PGM2L1: variants seen among roughly 807,000 people sequenced by gnomAD.
PGM2L1 encodes the protein glucose 1,6-bisphosphate synthase.
A neutral mutation model predicts 73.4 loss-of-function variants in PGM2L1; 35 were observed. That is an observed-to-expected ratio of 0.48 (90% CI 0.36 to 0.63). PGM2L1 has a LOEUF of 0.63. Ranked by LOEUF, PGM2L1 falls within the 30% of genes least tolerant of loss-of-function variation. The pLI, the probability that PGM2L1 is intolerant of heterozygous loss-of-function variation, is 0.00. For missense variants in PGM2L1, 570 were observed against 742.0 expected (o/e 0.77, Z 2.69); for synonymous variants, 225 against 253.8 (o/e 0.89, Z 1.08).
intron 9 of PGM2L1, among the ~76,000 whole-genome samples, 190 bp downstream of exon 9, chr11:74,345,279 A>G (rs541572328): frequency 8.5e-5 from 13 of 152,322 alleles, no homozygotes; most frequent in Middle Eastern, 3.4e-3. Context: ...CCAGAAATTC[A>G]TATACGGTAC....
chr11:74,370,305 C>T (rs1218792743), intron 4 of PGM2L1, among the ~76,000 whole-genome samples: 1 of 152,056 alleles, frequency 6.6e-6, no homozygotes, highest in African/African-American at 2.4e-5. Flanking sequence ...TCTTTATAGC[C>T]CCCACGCTCC....
intron 9 of PGM2L1, among the ~76,000 whole-genome samples, chr11:74,344,715 A>T (rs953296876): frequency 6.6e-6 from 1 of 152,208 alleles, no homozygotes; most frequent in Non-Finnish European, 1.5e-5. Context: ...TATAGACATA[A>T]ACTAGGAAAA....
intron 1 of PGM2L1, among the ~76,000 whole-genome samples, chr11:74,383,965 T>G (rs1862986324): frequency 1.3e-5 from 2 of 151,810 alleles, no homozygotes; most frequent in Admixed American, 1.3e-4. Context: ...ATGATTTATA[T>G]TCCTTTGTAA....
intron 1 of PGM2L1, among the ~76,000 whole-genome samples, chr11:74,379,551 G>C (rs1862907417): frequency 6.6e-6 from 1 of 152,026 alleles, no homozygotes. Flanking sequence ...AAACCTAACA[G>C]CTTAAATACA....
intron 6 of PGM2L1, among the ~76,000 whole-genome samples, chr11:74,351,146 G>A (rs2887119): frequency 0.54 from 82,494 of 152,028 alleles, 24,649 homozygotes; most frequent in East Asian, 0.8. Flanking sequence ...TGTGGTATGT[G>A]AGTAGTTCAT....
At chr11:74,352,440 G>T (rs11236063) in intron 5 of PGM2L1, among the ~76,000 whole-genome samples, 25,260 of 152,068 alleles carry the variant, frequency 0.17, 2,311 homozygotes, top group East Asian at 0.28. Flanking sequence ...AGTTTGTCAA[G>T]TAGCCTGATC....
chr11:74,360,532 T>A (rs570786482), intron 5 of PGM2L1, among the ~76,000 whole-genome samples: 2 of 152,156 alleles, frequency 1.3e-5, no homozygotes, highest in African/African-American at 4.8e-5. Flanking sequence ...ACCGGGTTCA[T>A]CTCACTGGGG....
At chr11:74,361,129 G>A (rs1401483444) in intron 5 of PGM2L1, among the ~76,000 whole-genome samples, 1 of 152,108 alleles carries the variant, frequency 6.6e-6, no homozygotes, top group Non-Finnish European at 1.5e-5. Flanking sequence ...CCCGAGTAGT[G>A]CAACTGGGAG....
intron 1 of PGM2L1, 93 bp from the exon 2 acceptor site, chr11:74,374,675 G>T (rs1862830838): frequency 1.9e-6 from 2 of 1,057,314 alleles, no homozygotes; most frequent in Non-Finnish European, 1.4e-6. Context: ...ATATCACAAG[G>T]TTCAACATTC....
In PGM2L1 at chr11:74,331,263, CT is replaced by C. The variant is rs34302029; in HGVS notation, c.*5388del. The C allele has an allele frequency of 0.093, 11,837 of 127,946 alleles. 814 individuals are homozygous for C. The highest frequency in any genetic ancestry group is 0.22 in the African/African-American group (7,697 of 35,728). The allele number at this position is 127,946 out of a possible 1,614,324, so 7.9% of individuals were successfully genotyped here. ...CTGGATATGTTCTATGTTTATATAT[CT>C]TTTTTTTTTTTTTTTGAGATGGAGT... is the stretch of plus-strand genomic sequence containing the variant. On this transcript the variant is annotated 3_prime_UTR_variant, in exon 14 of 14. Transcript: ENST00000298198.
rs1225238922 is a variant in PGM2L1, at chr11:74,336,527, T to C, written c.*125A>G. Reference sequence around the variant, plus strand: ...GCCAGTTGACCAAAAAGAAAGAAAATAAAAGGAAAAAGATACTCGGCCAGA... The same window carrying C: ...GCCAGTTGACCAAAAAGAAAGAAAACAAAAGGAAAAAGATACTCGGCCAGA... On this transcript the variant is annotated 3_prime_UTR_variant, in exon 14 of 14. Coordinates refer to ENST00000298198, the MANE Select transcript of PGM2L1 (RefSeq NM_173582.6). 3.6e-5 allele frequency: 19 copies of C among 529,522 alleles called. No homozygotes were observed. Among genetic ancestry groups the C allele is most frequent in the Non-Finnish European group, 6.0e-5 (19 of 317,592 alleles). The allele number at this position is 529,522 out of a possible 1,614,324, so 32.8% of individuals were successfully genotyped here. A position where few individuals can be genotyped will look rare whatever the true frequency, so the allele number is the denominator to read the frequency against.
intron 5 of PGM2L1, among the ~76,000 whole-genome samples, chr11:74,360,260 A>C (rs1398172148): frequency 9.1e-6 from 1 of 109,976 alleles, no homozygotes; most frequent in East Asian, 2.7e-4. Flanking sequence ...AATAAAAGAA[A>C]GAAAGAGAAA....
chr11:74,372,819 G>A (rs1047736545), intron 2 of PGM2L1, among the ~76,000 whole-genome samples: 2 of 152,184 alleles, frequency 1.3e-5, no homozygotes, highest in Non-Finnish European at 2.9e-5. Context: ...TCTGGTGCCT[G>A]AGTCTCTCAA....
At chr11:74,377,986 TTGAC>T (rs988880118) in intron 1 of PGM2L1, among the ~76,000 whole-genome samples, 14 of 152,058 alleles carry the variant, frequency 9.2e-5, no homozygotes, top group South Asian at 4.2e-4. Context: ...GGAAAACTAT[TTGAC>T]TGACCTGCTT....
At position 74,335,005 on chromosome 11, in the gene PGM2L1, G is replaced by A. The variant is rs1975; in HGVS notation, c.*1647C>T. On this transcript the variant is annotated 3_prime_UTR_variant, in exon 14 of 14. Transcript: ENST00000298198. Reference sequence around the variant, plus strand: ...CTGTAACTTAAACTCCTGGCCTCAAGCAATCCTCCTGCCTCAGCCTCCCAA... The same window carrying A: ...CTGTAACTTAAACTCCTGGCCTCAAACAATCCTCCTGCCTCAGCCTCCCAA... 0.036 allele frequency: 5,441 copies of A among 150,850 alleles called. 107 individuals are homozygous for A. Among genetic ancestry groups the A allele is most frequent in the Middle Eastern group, 0.085 (25 of 294 alleles). The allele number at this position is 150,850 out of a possible 1,614,324, so 9.3% of individuals were successfully genotyped here. A position where few individuals can be genotyped will look rare whatever the true frequency, so the allele number is the denominator to read the frequency against.
At chr11:74,353,200 T>C (rs1308338035) in intron 5 of PGM2L1, among the ~76,000 whole-genome samples, 6 of 152,276 alleles carry the variant, frequency 3.9e-5, no homozygotes, top group South Asian at 4.1e-4. Context: ...GTGTGTGTTG[T>C]ATTGAATATT....
At chr11:74,391,319 T>G (rs1250533671) in intron 1 of PGM2L1, among the ~76,000 whole-genome samples, 1 of 152,116 alleles carries the variant, frequency 6.6e-6, no homozygotes, top group East Asian at 1.9e-4. Context: ...TTTTACTATT[T>G]ATGGCATAGA....
At position 74,338,456 on chromosome 11, in the gene PGM2L1, A is replaced by G. The variant is rs1366987526; in HGVS notation, c.1766+12T>C. 6.5e-7 allele frequency: 1 copy of G among 1,531,400 alleles called. No homozygotes were observed. Among genetic ancestry groups the G allele is most frequent in the East Asian group, 2.3e-5 (1 of 43,882 alleles). The allele number at this position is 1,531,400 out of a possible 1,614,324, so 94.9% of individuals were successfully genotyped here. Reference sequence around the variant, plus strand: ...GCTTTTGTATGTATATCTTAAAAAAATCAATTCTTACCTCTGGTCAGGTGA... The same window carrying G: ...GCTTTTGTATGTATATCTTAAAAAAGTCAATTCTTACCTCTGGTCAGGTGA... On this transcript the variant is annotated intron_variant, in intron 13 of 13. Transcript: ENST00000298198.
intron 1 of PGM2L1, 43 bp from the exon 2 acceptor site, chr11:74,374,625 G>A: frequency 6.4e-7 from 1 of 1,566,558 alleles, no homozygotes; most frequent in Non-Finnish European, 8.7e-7. Context: ...AATCCAAGCA[G>A]AGTCCTAATA....
Sources: gnomAD v4.1 joint callset for allele counts (sites outside exome capture counted in the v4.1 genomes callset) on GRCh38, gnomAD v4.1.1 for gene constraint, MANE v1.5 for transcripts, NCBI Gene and HGNC (gene_info 2026-07-23, HGNC 2026-07-21) for gene names.